Variants in PPP2R5D observed in about 807,000 individuals in gnomAD.
The protein encoded by PPP2R5D is serine/threonine-protein phosphatase 2A 56 kDa regulatory subunit delta isoform.
A neutral mutation model predicts 79.1 loss-of-function variants in PPP2R5D; 12 were observed. That is an observed-to-expected ratio of 0.15 (90% CI 0.10 to 0.25). The LOEUF is 0.25. Ranked by LOEUF, PPP2R5D falls within the 10% of genes least tolerant of loss-of-function variation. The pLI is 1.00. For synonymous variants in PPP2R5D, 277 were observed against 286.6 expected, an observed-to-expected ratio of 0.97 and a Z score of 0.34; for missense variants, 419 against 760.2, an observed-to-expected ratio of 0.55 and a Z score of 5.28.
chr6:42,992,656 A>G (rs1343504459), intron 2 of PPP2R5D, among the ~76,000 whole-genome samples: 1 of 152,076 alleles, frequency 6.6e-6, no homozygotes, highest in Non-Finnish European at 1.5e-5. Context: ...TCTACAAAAA[A>G]ATAAAAAATA....
At position 42,984,835 on chromosome 6, in the gene PPP2R5D, C is replaced by G. The variant is rs568963855; in HGVS notation, c.27+131C>G. On this transcript the variant is annotated intron_variant, in intron 1 of 15. Coordinates refer to ENST00000485511, the MANE Select transcript of PPP2R5D (RefSeq NM_006245.4). ...GCCCCCGCAGGACTCCTGGGGCCAG[C>G]CCTCCGCCCCCGCGGCTGGCAGCAC... 6.7e-4 allele frequency: 923 copies of G among 1,372,656 alleles called. 6 individuals are homozygous for G. In the African/African-American group the frequency reaches 0.013, roughly 19 times the overall value. 85.0% of individuals were successfully genotyped at this position (1,372,656 alleles called of 1,614,324 possible). A position where few individuals can be genotyped will look rare whatever the true frequency, so the allele number is the denominator to read the frequency against.
In PPP2R5D at chr6:42,999,006, G is replaced by C. The variant is rs562202411; in HGVS notation, c.106-7457G>C. On this transcript the variant is annotated intron_variant, in intron 2 of 15. Coordinates refer to ENST00000485511, the MANE Select transcript of PPP2R5D (RefSeq NM_006245.4). ...GCTGAGATTGCACCACTGCACTTCAGCCTGGGTGGCAGAGTGAGACCCTGT... is the reference window on the plus strand; with the variant it reads ...GCTGAGATTGCACCACTGCACTTCACCCTGGGTGGCAGAGTGAGACCCTGT... Among the ~76,000 whole-genome samples, 7 of 152,334 alleles carry C rather than the reference G, an allele frequency of 4.6e-5. No individual in the cohort carries two copies. In the East Asian group the frequency reaches 1.4e-3, roughly 29 times the overall value.
intron 2 of PPP2R5D, among the ~76,000 whole-genome samples, chr6:43,002,187 G>A (rs1394626759): frequency 3.4e-5 from 5 of 147,394 alleles, no homozygotes; most frequent in Non-Finnish European, 6.0e-5. Context: ...TTTTTGATTC[G>A]GAGTCTCGCC....
chr6:42,995,113 G>A (rs1047827023), intron 2 of PPP2R5D, among the ~76,000 whole-genome samples: 7 of 135,362 alleles, frequency 5.2e-5, no homozygotes, highest in South Asian at 2.4e-4. Context: ...GTGTCCCACC[G>A]AACTTTTTCT....
intron 1 of PPP2R5D, among the ~76,000 whole-genome samples, chr6:42,986,243 T>A (rs2150247517): frequency 6.6e-6 from 1 of 152,314 alleles, no homozygotes; most frequent in South Asian, 2.1e-4. Context: ...CATAGGATGC[T>A]AGGATACCAG....
chr6:42,990,583 T>C (rs896049217), intron 2 of PPP2R5D, among the ~76,000 whole-genome samples: 4 of 152,138 alleles, frequency 2.6e-5, no homozygotes, highest in African/African-American at 7.2e-5. Context: ...CACACCTCAT[T>C]TTAGGCCTCA....
At chr6:42,999,258 C>T (rs114547069) in intron 2 of PPP2R5D, among the ~76,000 whole-genome samples, 139 of 152,318 alleles carry the variant, frequency 9.1e-4, no homozygotes, top group African/African-American at 3.1e-3. Context: ...GAGTAGTTGA[C>T]ATATCCCCCA....
Position 43,010,845 on chromosome 6 carries a change from G to T in PPP2R5D, c.1555-36G>T, listed in dbSNP as rs1389215595. On this transcript the variant is annotated intron_variant, in intron 14 of 15. Coordinates refer to ENST00000485511, the MANE Select transcript of PPP2R5D (RefSeq NM_006245.4). The surrounding 1 kb of genome is among the most constrained non-coding windows in gnomAD (Gnocchi z 4.7). ...GCACACAGGCCCCCAAGCCTCTGAA[G>T]TGGCTCTTAACGCTTGTCCATGTCT... The T allele has an allele frequency of 1.2e-6, 2 of 1,604,926 alleles. No homozygotes were observed. The highest frequency in any genetic ancestry group is 2.2e-5 in the East Asian group (1 of 44,754).
intron 2 of PPP2R5D, among the ~76,000 whole-genome samples, chr6:42,991,562 C>T (rs1198894300): frequency 6.6e-6 from 1 of 152,138 alleles, no homozygotes; most frequent in African/African-American, 2.4e-5. Flanking sequence ...ATTGTTTTAT[C>T]GGCTGTCTCT....
At position 43,006,626 on chromosome 6, in the gene PPP2R5D, C is replaced by A; in HGVS notation, c.269C>A (p.Ser90Tyr). 6.2e-7 allele frequency: 1 copy of A among 1,614,174 alleles called. No individual in the cohort carries two copies. The highest frequency in any genetic ancestry group is 8.5e-7 in the Non-Finnish European group (1 of 1,180,040). ...AAGAAGGAGCGACGGCAAAGCTCCTCCCGCTTCAACCTCAGCAAGAATCGG... is the reference window on the plus strand; with the variant it reads ...AAGAAGGAGCGACGGCAAAGCTCCTACCGCTTCAACCTCAGCAAGAATCGG... The part of the protein sequence containing the change: ...IVKKERRQSS[S>Y]RFNLSKNREL... The change falls in exon 3 of 16, where the codon TCC (serine) becomes TAC (tyrosine). Residue 90 changes from serine (S) to tyrosine (Y), a missense_variant. Physicochemically the swap from Ser to Tyr is moderately radical, Grantham distance 144 (BLOSUM62 -2). This residue lies in a region of PPP2R5D where 110 missense variants were observed against 147.6 expected (regional missense o/e 0.75). Coordinates refer to ENST00000485511, the MANE Select transcript of PPP2R5D (RefSeq NM_006245.4). This position sits in a 1 kb window ranked among gnomAD's most constrained non-coding sequence, Gnocchi z 4.7.
At chr6:42,992,146 A>G (rs1333403227) in intron 2 of PPP2R5D, among the ~76,000 whole-genome samples, 3 of 152,014 alleles carry the variant, frequency 2.0e-5, no homozygotes, top group Non-Finnish European at 4.4e-5. Context: ...TGCAAGTTCC[A>G]TCTCCTGGAT....
At chr6:42,991,583 C>T (rs982802486) in intron 2 of PPP2R5D, among the ~76,000 whole-genome samples, 25 of 152,136 alleles carry the variant, frequency 1.6e-4, no homozygotes, top group African/African-American at 4.6e-4. Context: ...TGTGTTAGCA[C>T]GAGAGCTCCA....
chr6:43,008,931 C>G lies in PPP2R5D; in HGVS notation c.1081-126C>G. 1 of 1,299,128 alleles carries G rather than the reference C, an allele frequency of 7.7e-7. No homozygotes were observed. The highest frequency in any genetic ancestry group is 1.1e-6 in the Non-Finnish European group (1 of 930,516). 80.5% of individuals were successfully genotyped at this position (1,299,128 alleles called of 1,614,324 possible). ...AGGAAACAGATCCAAGGCAAAGAAA[C>G]GGGTAGCTGGCTGAGATCACCCAAA... On this transcript the variant is annotated intron_variant, in intron 10 of 15. Transcript: ENST00000485511. The surrounding 1 kb of genome is among the most constrained non-coding windows in gnomAD (Gnocchi z 4.2).
At chr6:43,000,373 G>T (rs1772097483) in intron 2 of PPP2R5D, among the ~76,000 whole-genome samples, 1 of 151,126 alleles carries the variant, frequency 6.6e-6, no homozygotes, top group African/African-American at 2.4e-5. Context: ...GAGTAGCTGG[G>T]GCTACAGGCG....
rs1762353071 is a variant in PPP2R5D, at chr6:43,011,604, A to G, written c.*318A>G. 1 of 410,978 alleles carries G rather than the reference A, an allele frequency of 2.4e-6. No individual in the cohort carries two copies. The highest frequency in any genetic ancestry group is 2.0e-5 in the African/African-American group (1 of 49,696). The allele number at this position is 410,978 out of a possible 1,614,324, so 25.5% of individuals were successfully genotyped here. A position where few individuals can be genotyped will look rare whatever the true frequency, so the allele number is the denominator to read the frequency against. On this transcript the variant is annotated 3_prime_UTR_variant, in exon 16 of 16. Transcript: ENST00000485511. ...GGCTGCTCTGAGAAGTACACACAGG[A>G]ATACATACGCTCCTCTATTCTTCCC...
At chr6:42,997,966 C>T (rs1213492241) in intron 2 of PPP2R5D, among the ~76,000 whole-genome samples, 4 of 134,182 alleles carry the variant, frequency 3.0e-5, no homozygotes, top group Non-Finnish European at 6.2e-5. Flanking sequence ...CGTGAGCCGC[C>T]ATGCCAGGCC....
chr6:43,011,332 A>G lies in PPP2R5D; in HGVS notation c.*46A>G. 1 of 1,610,804 alleles carries G rather than the reference A, an allele frequency of 6.2e-7. No homozygotes were observed. Among genetic ancestry groups the G allele is most frequent in the Non-Finnish European group, 8.5e-7 (1 of 1,178,844 alleles). On this transcript the variant is annotated 3_prime_UTR_variant, in exon 16 of 16. Transcript: ENST00000485511. ...GGGCCACAGCCCACACAGCCCTGGG[A>G]CACTGCCCTGGCCCTCCATACTCTG...
rs1386901586 is a variant in PPP2R5D at position 43,011,554 on chromosome 6, C to T, written c.*268C>T. 3 of 519,782 alleles carry T rather than the reference C, an allele frequency of 5.8e-6. No homozygotes were observed. Among genetic ancestry groups the T allele is most frequent in the East Asian group, 6.7e-5 (2 of 29,666 alleles). The allele number at this position is 519,782 out of a possible 1,614,324, so 32.2% of individuals were successfully genotyped here. On this transcript the variant is annotated 3_prime_UTR_variant, in exon 16 of 16. Transcript: ENST00000485511. ...CAACCTGGGGATGCCTGTCCCCTAC[C>T]TGCTCCTCACCCACAGCTACCTGAG...
In PPP2R5D at chr6:43,007,722, T is replaced by A. The variant is rs1762165696; in HGVS notation, c.727-213T>A. On this transcript the variant is annotated intron_variant, in intron 6 of 15. Transcript: ENST00000485511. The surrounding 1 kb of genome is among the most constrained non-coding windows in gnomAD (Gnocchi z 4.5). ...GGTAGGAAACAAAAAAGCAACAGAG[T>A]ACCTCTCTCAGGTCAATAGTGAGGC... is the stretch of plus-strand genomic sequence containing the variant. Among the ~76,000 whole-genome samples the A allele has an allele frequency of 6.6e-6, 1 of 152,114 alleles. No individual in the cohort carries two copies. Among genetic ancestry groups the A allele is most frequent in the South Asian group, 2.1e-4 (1 of 4,826 alleles).
Sources: allele counts gnomAD v4.1 joint callset (sites outside exome capture counted in the v4.1 genomes callset), GRCh38; gene constraint gnomAD v4.1.1; regional missense constraint gnomAD v4.1.1; non-coding constraint Gnocchi (gnomAD v3.1); transcripts MANE v1.5; gene names NCBI Gene and HGNC (gene_info 2026-07-23, HGNC 2026-07-21).